The following MYO5A variants were observed in gnomAD, a reference collection of about 807,000 sequenced individuals.
The protein encoded by MYO5A is myosin VA.
Under a neutral mutation model 249.7 loss-of-function variants are expected in MYO5A, and 98 were observed. The observed-to-expected ratio is 0.39, with a 90% CI of 0.33 to 0.46. The LOEUF (loss-of-function observed/expected upper bound fraction) is 0.46. MYO5A is among the 20% of genes least tolerant of loss of function. The pLI is 0.98. For missense variants in MYO5A, 1,696 were observed against 2,308.8 expected (o/e 0.73, Z 5.44); for synonymous variants, 778 against 810.6 (o/e 0.96, Z 0.68).
chr15:52,453,774 GATAA>G (rs2076066083), intron 1 of MYO5A, among the ~76,000 whole-genome samples: 1 of 152,120 alleles, frequency 6.6e-6, no homozygotes, highest in Admixed American at 6.5e-5. Context: ...TGTGATCTAA[GATAA>G]ATAGTCATCT....
chr15:52,452,847 A>T (rs1282590166), intron 1 of MYO5A, among the ~76,000 whole-genome samples: 2 of 103,868 alleles, frequency 1.9e-5, no homozygotes, highest in Admixed American at 1.0e-4. Context: ...GACTCCATGT[A>T]AAAAAAAAAA....
At chr15:52,442,559 T>C (rs2075804516) in intron 1 of MYO5A, among the ~76,000 whole-genome samples, 1 of 152,162 alleles carries the variant, frequency 6.6e-6, no homozygotes. Flanking sequence ...GCACCTTTTG[T>C]GTGCCAGTAG....
At chr15:52,367,306 T>C (rs1244307187) in intron 22 of MYO5A, among the ~76,000 whole-genome samples, 182 bp from the exon 23 acceptor site, 1 of 152,212 alleles carries the variant, frequency 6.6e-6, no homozygotes, top group African/African-American at 2.4e-5. Flanking sequence ...AGAGCCTTCC[T>C]GAAACCCCCT....
Position 52,309,840 on chromosome 15 carries a change from G to C in MYO5A, c.*3856C>G, listed in dbSNP as rs2037722953. The C allele has an allele frequency of 6.9e-6, 1 of 144,036 alleles. No individual in the cohort carries two copies. The allele number at this position is 144,036 out of a possible 1,614,324, so 8.9% of individuals were successfully genotyped here. On this transcript the variant is annotated 3_prime_UTR_variant, in exon 42 of 42. Coordinates refer to ENST00000399233, the MANE Select transcript of MYO5A (RefSeq NM_001382347.1). ...GGAACTCTATGAATTAGTGACGGGGGTGTGTGTGTGTGTATGTGTGTGTGT... is the reference window on the plus strand; with the variant it reads ...GGAACTCTATGAATTAGTGACGGGGCTGTGTGTGTGTGTATGTGTGTGTGT...
rs1435719204 is a variant in MYO5A at position 52,375,522 on chromosome 15, A to T, written c.2421-62T>A. ...AGAAAAAAATGCAGGAATACATATT[A>T]GAGAAACTTAAAGAGTGTCACTGTT... On this transcript the variant is annotated intron_variant, in intron 19 of 41. Transcript: ENST00000399233. 9.6e-6 allele frequency: 15 copies of T among 1,563,326 alleles called. 1 individual carries two copies. In the Admixed American group the frequency reaches 2.2e-4, roughly 23 times the overall value.
rs761170881 is a variant in MYO5A at position 52,420,417 on chromosome 15, A to C, written c.456-4116T>G. Among the ~76,000 whole-genome samples, 13 of 151,998 alleles carry C rather than the reference A, an allele frequency of 8.6e-5. No individual in the cohort carries two copies. The South Asian group carries it at 1.0e-3, about 12-fold the overall frequency. On this transcript the variant is annotated intron_variant, in intron 4 of 41. Transcript: ENST00000399233. The stretch of plus-strand genomic sequence containing the variant: ...ACTGCAGTAATGGCATCCTGATGAA[A>C]GAATGAGCTTGGCCCCCTTCCTGTC...
chr15:52,444,511 C>T (rs973186190), intron 1 of MYO5A, among the ~76,000 whole-genome samples: 3 of 151,978 alleles, frequency 2.0e-5, no homozygotes, highest in Non-Finnish European at 1.5e-5. Context: ...GATAACTTGC[C>T]CCAAAGTCAC....
intron 1 of MYO5A, among the ~76,000 whole-genome samples, chr15:52,443,123 C>G (rs937608509): frequency 1.3e-5 from 2 of 152,130 alleles, no homozygotes; most frequent in Non-Finnish European, 2.9e-5. Context: ...ATAATGAAAA[C>G]AGCTATTAAA....
intron 2 of MYO5A, among the ~76,000 whole-genome samples, chr15:52,432,339 A>G (rs1018569634): frequency 6.6e-6 from 1 of 152,268 alleles, no homozygotes; most frequent in Non-Finnish European, 1.5e-5. Flanking sequence ...CTGCCCCAAC[A>G]CAATGACATT....
intron 14 of MYO5A, among the ~76,000 whole-genome samples, chr15:52,386,196 C>T (rs2041965437): frequency 6.6e-6 from 1 of 152,000 alleles, no homozygotes; most frequent in Admixed American, 6.6e-5. Context: ...GTAGTCCCAG[C>T]TACTTGGGAG....
chr15:52,428,092 T>C (rs1405262582), intron 3 of MYO5A, among the ~76,000 whole-genome samples: 1 of 152,202 alleles, frequency 6.6e-6, no homozygotes, highest in Non-Finnish European at 1.5e-5. Context: ...CTTCGTGTAG[T>C]AGTTTTTGGA....
Position 52,514,458 on chromosome 15 carries a change from C to A in MYO5A, c.27+14322G>T, listed in dbSNP as rs78645618. Among the ~76,000 whole-genome samples the A allele has an allele frequency of 2.3e-3, 356 of 152,262 alleles. 1 individual carries two copies. Among genetic ancestry groups the A allele is most frequent in the African/African-American group, 8.2e-3 (339 of 41,554 alleles). The stretch of plus-strand genomic sequence containing the variant: ...GAACACACAGAAGGAACATCTTAGC[C>A]ACACTGGGGTCCGGAAGAACTAATT... On this transcript the variant is annotated intron_variant, in intron 1 of 41. Transcript: ENST00000399233.
intron 1 of MYO5A, among the ~76,000 whole-genome samples, chr15:52,476,414 G>T (rs1387369998): frequency 6.6e-6 from 1 of 152,080 alleles, no homozygotes; most frequent in Non-Finnish European, 1.5e-5. Context: ...TATTCTTATG[G>T]GTGAATTTGA....
chr15:52,471,831 T>C (rs369736533), intron 1 of MYO5A, among the ~76,000 whole-genome samples: 13 of 152,106 alleles, frequency 8.5e-5, no homozygotes, highest in South Asian at 2.1e-4. Flanking sequence ...CCTGAGTAGA[T>C]AGAACTACAA....
intron 1 of MYO5A, among the ~76,000 whole-genome samples, chr15:52,506,535 A>C (rs921283432): frequency 5.9e-5 from 9 of 151,632 alleles, no homozygotes; most frequent in Non-Finnish European, 2.9e-5. Flanking sequence ...TCAAAAAAAA[A>C]AAAAAAAAAT....
chr15:52,525,425 G>A (rs1383688036), intron 1 of MYO5A, among the ~76,000 whole-genome samples: 1 of 152,118 alleles, frequency 6.6e-6, no homozygotes, highest in African/African-American at 2.4e-5. Flanking sequence ...CTTACAAAAT[G>A]GAAGCCTTGT....
At chr15:52,448,145 T>G (rs1311805574) in intron 1 of MYO5A, among the ~76,000 whole-genome samples, 1 of 152,130 alleles carries the variant, frequency 6.6e-6, no homozygotes, top group Non-Finnish European at 1.5e-5. Context: ...AGCTGTGGGG[T>G]GGGGCAGAGC....
chr15:52,321,522 G>A lies in MYO5A; in HGVS notation c.4801-13C>T. ...GCTTCATAAAGCCCTAGAGTCATAA[G>A]GCAAAGTTAATGATACACATGAAGT... On this transcript the variant is annotated splice_polypyrimidine_tract_variant and intron_variant, in intron 37 of 41. Transcript: ENST00000399233. The A allele has an allele frequency of 6.2e-7, 1 of 1,613,974 alleles. No individual in the cohort carries two copies. Among genetic ancestry groups the A allele is most frequent in the Non-Finnish European group, 8.5e-7 (1 of 1,179,862 alleles).
At chr15:52,383,823 A>C (rs2141136260) in intron 15 of MYO5A, among the ~76,000 whole-genome samples, 1 of 152,342 alleles carries the variant, frequency 6.6e-6, no homozygotes, top group East Asian at 1.9e-4. Context: ...ACATCAAAGA[A>C]AGGCGAGGGC....
Sources: gnomAD v4.1 joint callset for allele counts (sites outside exome capture counted in the v4.1 genomes callset) on GRCh38, gnomAD v4.1.1 for gene constraint, MANE v1.5 for transcripts, NCBI Gene and HGNC (gene_info 2026-07-23, HGNC 2026-07-21) for gene names.